The following COQ2 variants were observed in gnomAD, a reference collection of about 807,000 sequenced individuals.
COQ2 encodes the protein 4-hydroxybenzoate polyprenyltransferase, mitochondrial.
In COQ2, 25 loss-of-function variants were observed where a neutral mutation model predicts 35.7. The ratio of observed to expected loss-of-function variants is 0.70; its 90% confidence interval spans 0.51 to 0.98. The LOEUF is 0.98. Ranked by LOEUF, COQ2 falls within the 50% of genes least tolerant of loss-of-function variation. COQ2 has a pLI of 0.00. For missense variants in COQ2, 488 were observed against 473.5 expected, an observed-to-expected ratio of 1.03 and a Z score of -0.28; for synonymous variants, 206 against 186.2, an observed-to-expected ratio of 1.11 and a Z score of -0.86.
chr4:83,268,027 C>A (rs959858532), intron 5 of COQ2, among the ~76,000 whole-genome samples: 1 of 152,176 alleles, frequency 6.6e-6, no homozygotes, highest in Non-Finnish European at 1.5e-5. Flanking sequence ...CTAAACACCA[C>A]TGCTAAAATC....
In COQ2 at chr4:83,264,305, C is replaced by G; in HGVS notation, c.1010G>C (p.Arg337Pro). 6.2e-7 allele frequency: 1 copy of G among 1,612,284 alleles called. No homozygotes were observed. The highest frequency in any genetic ancestry group is 8.5e-7 in the Non-Finnish European group (1 of 1,179,352). The change falls in exon 7 of 7, where the codon CGA becomes CCA. Residue 337 changes from arginine (R) to proline (P), a missense_variant. Arg to Pro is a moderately radical substitution (Grantham distance 103, BLOSUM62 -2). Transcript: ENST00000647002. ...EDCWNKFISNRTLGLIVFLGI... is the reference protein window; with the variant it reads ...EDCWNKFISNPTLGLIVFLGI... ...TAAAAAAACTATTAGTCCCAGTGTT[C>G]GGTTGGAGATAAATTTATTCCAACA...
At chr4:83,276,260 T>C (rs1162980498) in intron 2 of COQ2, among the ~76,000 whole-genome samples, 1 of 151,888 alleles carries the variant, frequency 6.6e-6, no homozygotes, top group East Asian at 1.9e-4. Flanking sequence ...ATTTTTTTCT[T>C]GTTGTTTGAG....
At chr4:83,285,062 C>A (rs1033015800), upstream of COQ2, 33 of 597,212 alleles carry the variant, frequency 5.5e-5, 1 homozygote, top group Middle Eastern at 2.7e-4. Flanking sequence ...ACACTCAGAA[C>A]GGGGTCTCTG....
chr4:83,278,421 C>A (rs938817693), intron 2 of COQ2, among the ~76,000 whole-genome samples: 4 of 152,134 alleles, frequency 2.6e-5, no homozygotes, highest in African/African-American at 9.7e-5. Context: ...ACAACTTGCA[C>A]TTTTCATTGG....
In COQ2 at chr4:83,284,766, G is replaced by T. The variant is rs573669024; in HGVS notation, c.-2C>A. 8 of 1,555,350 alleles carry T rather than the reference G, an allele frequency of 5.1e-6. No individual in the cohort carries two copies. The highest frequency in any genetic ancestry group is 2.4e-5 in the East Asian group (1 of 41,182). ...CCCCGCGGCTCGCGAGCCCAGCATGGCGCTGGTGAGGCCGGGACGAGCTCG... is the reference window on the plus strand; with the variant it reads ...CCCCGCGGCTCGCGAGCCCAGCATGTCGCTGGTGAGGCCGGGACGAGCTCG... On this transcript the variant is annotated 5_prime_UTR_variant, in exon 1 of 7. Coordinates refer to ENST00000647002, the MANE Select transcript of COQ2 (RefSeq NM_001358921.2).
intron 5 of COQ2, among the ~76,000 whole-genome samples, chr4:83,269,560 T>C (rs1734996012): frequency 2.0e-5 from 3 of 152,218 alleles, no homozygotes; most frequent in Admixed American, 2.0e-4. Flanking sequence ...TGTTGGGGGA[T>C]TAAGTCTGTA....
intron 2 of COQ2, among the ~76,000 whole-genome samples, chr4:83,274,748 A>G (rs1199541903): frequency 6.6e-6 from 1 of 152,114 alleles, no homozygotes; most frequent in South Asian, 2.1e-4. Flanking sequence ...TACAGCCAAT[A>G]TTTCTTCAAT....
intron 1 of COQ2, among the ~76,000 whole-genome samples, chr4:83,282,250 A>C (rs958233784): frequency 2.6e-5 from 4 of 152,102 alleles, no homozygotes; most frequent in African/African-American, 7.2e-5. Context: ...CACTTTCTGG[A>C]ATAAGGTAGT....
chr4:83,280,266 A>T (rs917347781), intron 1 of COQ2, among the ~76,000 whole-genome samples: 3 of 152,212 alleles, frequency 2.0e-5, no homozygotes, highest in African/African-American at 7.2e-5. Context: ...TCTACTTCTA[A>T]AAGAAAGTCT....
chr4:83,264,881 C>G (rs994099844), intron 6 of COQ2, among the ~76,000 whole-genome samples: 2 of 152,186 alleles, frequency 1.3e-5, no homozygotes, highest in African/African-American at 4.8e-5. Context: ...CAATGGAGAA[C>G]AAGTCCCATT....
chr4:83,272,274 A>G, intron 3 of COQ2, 102 bp from the exon 4 acceptor site: 1 of 586,550 alleles, frequency 1.7e-6, no homozygotes, highest in Non-Finnish European at 2.9e-6. Context: ...TGGAAAATAT[A>G]TTTTATCTTA....
intron 2 of COQ2, among the ~76,000 whole-genome samples, chr4:83,277,813 T>C (rs972302838): frequency 3.9e-5 from 6 of 151,944 alleles, no homozygotes; most frequent in African/African-American, 1.5e-4. Context: ...CTACTAAAAA[T>C]ACAAAATTAA....
chr4:83,271,077 G>C (rs769380709), intron 4 of COQ2, among the ~76,000 whole-genome samples: 2 of 152,066 alleles, frequency 1.3e-5, no homozygotes, highest in Admixed American at 1.3e-4. Flanking sequence ...ATGATTCAAA[G>C]AACTAGAATC....
intron 2 of COQ2, among the ~76,000 whole-genome samples, chr4:83,274,770 C>T (rs1286505355): frequency 6.6e-6 from 1 of 152,028 alleles, no homozygotes; most frequent in Non-Finnish European, 1.5e-5. Flanking sequence ...ATTTTTCAGC[C>T]CCAACCCCTT....
Position 83,272,069 on chromosome 4 carries a change from T to C in COQ2, c.628+18A>G. ...TTGCAAATATCAAAGGAAATACTTT[T>C]AGTTATTGTAAGCTCACCCAAGGCT... On this transcript the variant is annotated intron_variant, in intron 4 of 6. Coordinates refer to ENST00000647002, the MANE Select transcript of COQ2 (RefSeq NM_001358921.2). 12 of 1,512,334 alleles carry C rather than the reference T, an allele frequency of 7.9e-6. No homozygotes were observed. The highest frequency in any genetic ancestry group is 1.0e-5 in the Non-Finnish European group (11 of 1,098,882). 93.7% of individuals were successfully genotyped at this position (1,512,334 alleles called of 1,614,324 possible). A position where few individuals can be genotyped will look rare whatever the true frequency, so the allele number is the denominator to read the frequency against.
intron 6 of COQ2, among the ~76,000 whole-genome samples, chr4:83,264,796 C>T (rs1018522440): frequency 3.3e-5 from 5 of 152,226 alleles, no homozygotes; most frequent in Non-Finnish European, 7.3e-5. Flanking sequence ...CTTCCTTATA[C>T]TGACTGATCT....
intron 2 of COQ2, among the ~76,000 whole-genome samples, chr4:83,278,259 C>T (rs866197263): frequency 2.6e-5 from 4 of 152,020 alleles, no homozygotes; most frequent in Non-Finnish European, 2.9e-5. Context: ...AATAAGATGG[C>T]CCCTTTCCTT....
chr4:83,266,460 C>T (rs550325080), intron 6 of COQ2, among the ~76,000 whole-genome samples: 24 of 151,258 alleles, frequency 1.6e-4, no homozygotes, highest in East Asian at 1.9e-4. Context: ...TGGGTTCAAG[C>T]GATTCTCCCG....
intron 6 of COQ2, 149 bp downstream of exon 6, chr4:83,267,437 G>A (rs182800422): frequency 2.6e-5 from 17 of 642,262 alleles, no homozygotes; most frequent in East Asian, 1.5e-4. Flanking sequence ...AGTTGAGGCC[G>A]GAGGGCAGGG....
Sources: allele counts gnomAD v4.1 joint callset (sites outside exome capture counted in the v4.1 genomes callset), GRCh38; gene constraint gnomAD v4.1.1; transcripts MANE v1.5; gene names NCBI Gene and HGNC (gene_info 2026-07-23, HGNC 2026-07-21).